Variants in CFAP44 observed in about 807,000 individuals in gnomAD.
CFAP44 encodes cilia and flagella associated protein 44.
A neutral mutation model predicts 216.2 loss-of-function variants in CFAP44; 134 were observed. The observed-to-expected ratio is 0.62, with a 90% CI of 0.54 to 0.72. CFAP44 has a LOEUF of 0.72. Ranked by LOEUF, CFAP44 falls within the 30% of genes least tolerant of loss-of-function variation. The pLI is 0.00. For missense variants in CFAP44, 2,035 were observed against 2,182.1 expected (o/e 0.93, Z 1.34); for synonymous variants, 700 against 727.6 (o/e 0.96, Z 0.61).
At chr3:113,328,744 A>G (rs1212122282) in intron 26 of CFAP44, among the ~76,000 whole-genome samples, 3 of 149,560 alleles carry the variant, frequency 2.0e-5, no homozygotes, top group Admixed American at 6.7e-5. Flanking sequence ...AGAGAAGAAA[A>G]AATTAAACTT....
At chr3:113,302,650 A>C (rs1308120182) in intron 32 of CFAP44, among the ~76,000 whole-genome samples, 1 of 150,632 alleles carries the variant, frequency 6.6e-6, no homozygotes, top group Non-Finnish European at 1.5e-5. Flanking sequence ...AATCCTAGCT[A>C]CTCGGGAGGC....
At chr3:113,328,963 T>C (rs1303324830) in intron 26 of CFAP44, among the ~76,000 whole-genome samples, 1 of 152,138 alleles carries the variant, frequency 6.6e-6, no homozygotes, top group East Asian at 1.9e-4. Flanking sequence ...GTATCCCTAA[T>C]CCTATCTATC....
intron 22 of CFAP44, among the ~76,000 whole-genome samples, chr3:113,356,029 T>C (rs12636959): frequency 0.18 from 27,650 of 149,524 alleles, 3,108 homozygotes; most frequent in East Asian, 0.41. Context: ...ATATTATATA[T>C]AAAATGTATA....
At chr3:113,435,637 G>A (rs1234622032) in intron 1 of CFAP44, among the ~76,000 whole-genome samples, 2 of 151,630 alleles carry the variant, frequency 1.3e-5, no homozygotes, top group Non-Finnish European at 2.9e-5. Flanking sequence ...GCTGAGGCAG[G>A]AGGATCACTT....
intron 6 of CFAP44, among the ~76,000 whole-genome samples, chr3:113,412,535 C>G (rs990158905): frequency 4.6e-5 from 7 of 151,888 alleles, no homozygotes; most frequent in African/African-American, 1.7e-4. Context: ...ACCCCCACCC[C>G]CCAACAGGCC....
At chr3:113,399,283 C>T (rs936156443) in intron 13 of CFAP44, among the ~76,000 whole-genome samples, 3 of 152,066 alleles carry the variant, frequency 2.0e-5, no homozygotes, top group Admixed American at 6.5e-5. Context: ...TGCTGTCACC[C>T]GAATCCCAAC....
At chr3:113,358,601 G>T in intron 22 of CFAP44, 144 bp downstream of exon 22, 2 of 1,057,438 alleles carry the variant, frequency 1.9e-6, no homozygotes, top group Non-Finnish European at 2.5e-6. Context: ...ATCAGTAGCA[G>T]TGACAAGAGG....
intron 22 of CFAP44, among the ~76,000 whole-genome samples, chr3:113,354,204 T>C (rs1301644754): frequency 6.6e-6 from 1 of 152,136 alleles, no homozygotes; most frequent in Non-Finnish European, 1.5e-5. Flanking sequence ...AGCTTGCGGA[T>C]GGGGACAGAG....
chr3:113,341,652 T>A, intron 24 of CFAP44, 92 bp downstream of exon 24: 1 of 1,244,728 alleles, frequency 8.0e-7, no homozygotes, highest in African/African-American at 1.6e-5. Context: ...TTTTAAATGA[T>A]AACAATGTCA....
intron 15 of CFAP44, among the ~76,000 whole-genome samples, chr3:113,388,495 T>C (rs1933710074): frequency 6.6e-6 from 1 of 151,498 alleles, no homozygotes; most frequent in South Asian, 2.1e-4. Context: ...AGACCACAAA[T>C]CAACCAGAAA....
At position 113,303,946 on chromosome 3, in the gene CFAP44, C is replaced by G. The variant is rs1388997144; in HGVS notation, c.5047G>C (p.Glu1683Gln). 7.2e-6 allele frequency: 11 copies of G among 1,537,540 alleles called. No individual in the cohort carries two copies. The East Asian group carries it at 2.7e-4, about 38-fold the overall frequency. ...ATGGTTTTTGTCATTTCTCTCTTTT[C>G]TCGGATGAGCTGTTTACGTCTCTCT... ...WRERRKQLIREKREMTKTIHK... is the reference protein window; with the variant it reads ...WRERRKQLIRQKREMTKTIHK... The change falls in exon 32 of 35, where the codon GAA (glutamate) becomes CAA (glutamine). Residue 1683 changes from glutamate to glutamine, a missense_variant. Glu to Gln is a conservative substitution (Grantham distance 29, BLOSUM62 2). Transcript: ENST00000393845.
Position 113,327,755 on chromosome 3 carries a change from A to C in CFAP44, c.4181T>G (p.Leu1394Arg). 6.5e-7 allele frequency: 1 copy of C among 1,537,050 alleles called. No homozygotes were observed. The highest frequency in any genetic ancestry group is 8.7e-7 in the Non-Finnish European group (1 of 1,146,742). ...LRLLRHQKLK[L>R]DTQMKLSDLH... ...GTCAGATAATTTCATCTGAGTATCT[A>C]GTTTTAGTTTCTGATGTCTAAGGAG... The change falls in exon 27 of 35, where the codon CTA becomes CGA. Residue 1394 changes from leucine (L) to arginine (R), a missense_variant. Leu to Arg is a moderately radical substitution (Grantham distance 102, BLOSUM62 -2). This residue lies in a region of CFAP44 where 1,883 missense variants were observed against 2,023.7 expected (regional missense o/e 0.93). Transcript: ENST00000393845.
At chr3:113,430,839 C>T (rs115548730) in intron 2 of CFAP44, among the ~76,000 whole-genome samples, 24 of 152,176 alleles carry the variant, frequency 1.6e-4, no homozygotes, top group African/African-American at 4.8e-4. Flanking sequence ...AAATACCTCC[C>T]AAAATTATTA....
chr3:113,410,536 C>T (rs1366616307), intron 6 of CFAP44, among the ~76,000 whole-genome samples: 1 of 152,204 alleles, frequency 6.6e-6, no homozygotes, highest in African/African-American at 2.4e-5. Flanking sequence ...TTTTCTTAAT[C>T]CCGTCTATCA....
intron 22 of CFAP44, 72 bp from the exon 23 acceptor site, chr3:113,344,784 T>G: frequency 7.8e-7 from 1 of 1,282,532 alleles, no homozygotes; most frequent in Non-Finnish European, 1.0e-6. Flanking sequence ...AGTAATAAAA[T>G]AAAACTACAA....
chr3:113,347,277 G>A (rs543769565), intron 22 of CFAP44, among the ~76,000 whole-genome samples: 37 of 152,278 alleles, frequency 2.4e-4, no homozygotes, highest in Admixed American at 7.2e-4. Flanking sequence ...CTGAGCCAAC[G>A]GTCAAGAGAG....
chr3:113,322,893 C>G (rs1043863546), intron 28 of CFAP44, among the ~76,000 whole-genome samples: 7 of 152,284 alleles, frequency 4.6e-5, no homozygotes, highest in African/African-American at 1.7e-4. Flanking sequence ...CTCAGCATGG[C>G]TGGGGACGCC....
In CFAP44 at chr3:113,396,561, G is replaced by A. The variant is rs201194900; in HGVS notation, c.1736C>T (p.Thr579Ile). The part of the protein sequence containing the change: ...QVFKPHTACV[T>I]ALAYERDGEI... ...CCCATCACGTTCATAAGCTAAAGCAGTGACACAAGCAGTATGGGGTTTGAA... is the reference window on the plus strand; with the variant it reads ...CCCATCACGTTCATAAGCTAAAGCAATGACACAAGCAGTATGGGGTTTGAA... The change falls in exon 14 of 35, where the codon ACT becomes ATT. Residue 579 changes from threonine to isoleucine, a missense_variant. Transcript: ENST00000393845. The A allele has an allele frequency of 3.1e-6, 5 of 1,614,134 alleles. No homozygotes were observed. The highest frequency in any genetic ancestry group is 2.2e-5 in the East Asian group (1 of 44,874).
intron 2 of CFAP44, 106 bp downstream of exon 2, chr3:113,433,456 AGAT>A (rs146246191): frequency 3.0e-6 from 1 of 329,778 alleles, no homozygotes; most frequent in Non-Finnish European, 5.3e-6. Flanking sequence ...AAAAAAAAAA[AGAT>A]CTATTTTATA....
Sources: allele counts gnomAD v4.1 joint callset (sites outside exome capture counted in the v4.1 genomes callset), GRCh38; gene constraint gnomAD v4.1.1; regional missense constraint gnomAD v4.1.1; transcripts MANE v1.5; gene names NCBI Gene and HGNC (gene_info 2026-07-23, HGNC 2026-07-21).